ZSWIM4: variants seen among roughly 807,000 people sequenced by gnomAD.
ZSWIM4 encodes the protein zinc finger SWIM domain-containing protein 4.
In ZSWIM4, 62 loss-of-function variants were observed where a neutral mutation model predicts 102.5. That is an observed-to-expected ratio of 0.60 (90% confidence interval 0.49 to 0.75). The LOEUF (loss-of-function observed/expected upper bound fraction) is 0.75, where lower values mean the gene tolerates loss of function less well. Among genes scored for constraint, ZSWIM4 ranks in the 30% least tolerant of loss-of-function variants. ZSWIM4 has a pLI of 0.00. For missense variants in ZSWIM4, 1,280 were observed against 1,529.6 expected, an observed-to-expected ratio of 0.84 and a Z score of 2.72; for synonymous variants, 652 against 674.5, an observed-to-expected ratio of 0.97 and a Z score of 0.52.
rs781034271 is a variant in ZSWIM4, at chr19:13,823,352, C to T, written c.2067C>T (p.Pro689=). 13 of 1,613,498 alleles carry T rather than the reference C, an allele frequency of 8.1e-6. No homozygotes were observed. Among genetic ancestry groups the T allele is most frequent in the Non-Finnish European group, 9.3e-6 (11 of 1,179,710 alleles). ...CACTTCTCCCCTTACCCAGGCTGCCCATACTGGAGACAGCATTTCCTGCTG... is the reference window on the plus strand; with the variant it reads ...CACTTCTCCCCTTACCCAGGCTGCCTATACTGGAGACAGCATTTCCTGCTG... The part of the protein sequence containing the change: ...YRLALRAMRL[P]ILETAFPAGE... The change falls in exon 11 of 14, where the codon CCC becomes CCT. Residue 689 remains proline, a synonymous_variant. Transcript: ENST00000590508.
rs542441103 is a variant in ZSWIM4 at position 13,797,546 on chromosome 19, C to T, written c.153+1745C>T. ...AAGGGTGTTCAATCTTTTAGCTTCC[C>T]TAGGCCACACTGGAAGAAGAACTGT... On this transcript the variant is annotated intron_variant, in intron 1 of 13. Transcript: ENST00000590508. Among the ~76,000 whole-genome samples the T allele has an allele frequency of 2.6e-5, 4 of 152,244 alleles. No individual in the cohort carries two copies. In the South Asian group the frequency reaches 6.2e-4, roughly 24 times the overall value.
In ZSWIM4 at chr19:13,795,787, T is replaced by C. The variant is rs989792607; in HGVS notation, c.139T>C (p.Trp47Arg). ...CAGCGCCAAGCGGGTAGCCGAGAGC[T>C]GGGCCTTCGAGCAGGTGACCGCGGG... is the stretch of plus-strand genomic sequence containing the variant. ...DLSAKRVAES[W>R]AFEQVEERFS... The change falls in exon 1 of 14, where the codon TGG (tryptophan) becomes CGG (arginine). Residue 47 changes from tryptophan (W) to arginine (R), a missense_variant. Trp to Arg is a moderately radical substitution (Grantham distance 101, BLOSUM62 -3). Transcript: ENST00000590508. 2 of 1,251,832 alleles carry C rather than the reference T, an allele frequency of 1.6e-6. No individual in the cohort carries two copies. 77.5% of individuals were successfully genotyped at this position (1,251,832 alleles called of 1,614,324 possible). A position where few individuals can be genotyped will look rare whatever the true frequency, so the allele number is the denominator to read the frequency against.
chr19:13,809,231 A>G lies in ZSWIM4; in HGVS notation c.1012+11A>G. 1.3e-6 allele frequency: 2 copies of G among 1,592,356 alleles called. No individual in the cohort carries two copies. The highest frequency in any genetic ancestry group is 1.7e-6 in the Non-Finnish European group (2 of 1,169,298). On this transcript the variant is annotated intron_variant, in intron 5 of 13. Transcript: ENST00000590508. The surrounding 1 kb of genome is among the most constrained non-coding windows in gnomAD (Gnocchi z 4.2). ...TCTGGGATGAGCTGGGTGAGGCCCA[A>G]ACCCCGGTGCGTGGTGGACACCGGG... is the stretch of plus-strand genomic sequence containing the variant.
intron 10 of ZSWIM4, among the ~76,000 whole-genome samples, chr19:13,821,317 C>A (rs1300490166): frequency 2.0e-5 from 3 of 151,284 alleles, no homozygotes; most frequent in Non-Finnish European, 4.4e-5. Context: ...CAATAGTAAA[C>A]CATGCCCAAA....
chr19:13,813,181 T>C lies in ZSWIM4; in HGVS notation c.1180+17T>C. On this transcript the variant is annotated intron_variant, in intron 6 of 13. Transcript: ENST00000590508. ...CCGCCCCAGGTAGGAGAGAGGGGTC[T>C]TTACCATGCCCCCCAAAAACCATCA... 6.3e-7 allele frequency: 1 copy of C among 1,591,926 alleles called. No homozygotes were observed. The highest frequency in any genetic ancestry group is 8.6e-7 in the Non-Finnish European group (1 of 1,164,946).
chr19:13,832,083 A>C lies in ZSWIM4; in HGVS notation c.*1033A>C, dbSNP rs1975782786. On this transcript the variant is annotated 3_prime_UTR_variant, in exon 14 of 14. Coordinates refer to ENST00000590508, the MANE Select transcript of ZSWIM4 (RefSeq NM_001367834.3). The stretch of plus-strand genomic sequence containing the variant: ...GGACAAAATACCACATCATTTTGTA[A>C]CTTTTTTTCTATTTATTGAACGGTG... The C allele has an allele frequency of 6.8e-6, 1 of 147,604 alleles. No homozygotes were observed. Among genetic ancestry groups the C allele is most frequent in the African/African-American group, 2.5e-5 (1 of 40,026 alleles). The allele number at this position is 147,604 out of a possible 1,614,324, so 9.1% of individuals were successfully genotyped here.
chr19:13,798,677 G>A (rs539541028), intron 1 of ZSWIM4, among the ~76,000 whole-genome samples: 2 of 152,332 alleles, frequency 1.3e-5, no homozygotes, highest in South Asian at 2.1e-4. Context: ...GGTTGGTGCC[G>A]TGGACCTCCC....
At chr19:13,818,344 T>C (rs1975360745) in intron 9 of ZSWIM4, among the ~76,000 whole-genome samples, 2 of 152,166 alleles carry the variant, frequency 1.3e-5, no homozygotes, top group Non-Finnish European at 2.9e-5. Context: ...GGCCAGGCCC[T>C]ATTGACCTGT....
At chr19:13,805,504 G>A (rs188659784) in intron 3 of ZSWIM4, among the ~76,000 whole-genome samples, 54 of 151,940 alleles carry the variant, frequency 3.6e-4, no homozygotes, top group African/African-American at 7.7e-4. Flanking sequence ...AATGTGGGAC[G>A]TTTGTGGGTG....
At chr19:13,802,769 T>C (rs1974808804) in intron 2 of ZSWIM4, among the ~76,000 whole-genome samples, 1 of 151,774 alleles carries the variant, frequency 6.6e-6, no homozygotes, top group African/African-American at 2.4e-5. Context: ...TGTAGAGACC[T>C]GGTCTCACTC....
rs372440237 is a variant in ZSWIM4 at position 13,808,868 on chromosome 19, G to A, written c.745G>A (p.Glu249Lys). ...AGACCCCACCGCCGGCGCAGGAATC[G>A]AGGACGCCAACTGCTGGCACCTGGA... ...APDPTAGAGI[E>K]DANCWHLDEE... The change falls in exon 4 of 14, where the codon GAG becomes AAG. Residue 249 changes from glutamate to lysine, a missense_variant. By Grantham distance (56) the Glu-to-Lys change is moderately conservative. Coordinates refer to ENST00000590508, the MANE Select transcript of ZSWIM4 (RefSeq NM_001367834.3). 3.1e-6 allele frequency: 5 copies of A among 1,611,166 alleles called. No individual in the cohort carries two copies. Among genetic ancestry groups the A allele is most frequent in the East Asian group, 2.2e-5 (1 of 44,794 alleles).
chr19:13,817,322 T>C lies in ZSWIM4; in HGVS notation c.1638T>C (p.Arg546=), dbSNP rs775080904. The part of the protein sequence containing the change: ...CLCRALLEAC[R]LEEETLTLYP... ...GCAGGGCGCTCCTGGAGGCCTGTCG[T>C]CTGGAGGAGGAGACACTTACCCTTT... Residue 546 remains arginine (R), a synonymous_variant, in exon 8 of 14, where the codon CGT becomes CGC. Coordinates refer to ENST00000590508, the MANE Select transcript of ZSWIM4 (RefSeq NM_001367834.3). 1 of 1,613,868 alleles carries C rather than the reference T, an allele frequency of 6.2e-7. No individual in the cohort carries two copies. The highest frequency in any genetic ancestry group is 1.1e-5 in the South Asian group (1 of 91,072).
chr19:13,830,333 C>A lies in ZSWIM4; in HGVS notation c.2604C>A (p.Leu868=). The A allele has an allele frequency of 1.9e-6, 3 of 1,613,460 alleles. No homozygotes were observed. Among genetic ancestry groups the A allele is most frequent in the Non-Finnish European group, 2.5e-6 (3 of 1,180,018 alleles). ...TGGACACATCGCGGAGGGAGGAGCT[C>A]TGGGCCTGCGCCCGCACCCTGGCCT... ...LQLDTSRREE[L]WACARTLALQ... Residue 868 remains leucine (L), a synonymous_variant, in exon 14 of 14, where the codon CTC becomes CTA. Transcript: ENST00000590508.
At chr19:13,817,579 C>T (rs931542587) in intron 8 of ZSWIM4, 143 bp from the exon 9 acceptor site, 14 of 1,162,304 alleles carry the variant, frequency 1.2e-5, no homozygotes, top group Admixed American at 2.9e-5. Context: ...CTCCCGCGCT[C>T]CCCCAACCCC....
Position 13,831,094 on chromosome 19 carries a change from C to T in ZSWIM4, c.*44C>T, listed in dbSNP as rs374641062. 75 of 1,514,298 alleles carry T rather than the reference C, an allele frequency of 5.0e-5. No individual in the cohort carries two copies. The highest frequency in any genetic ancestry group is 1.8e-4 in the Middle Eastern group (1 of 5,680). 93.8% of individuals were successfully genotyped at this position (1,514,298 alleles called of 1,614,324 possible). Reference sequence around the variant, plus strand: ...GGAGTGGGGATCCCCCTCGCCCCTGCGTCCCCCACCCTTGCTCTCCAATTA... The same window carrying T: ...GGAGTGGGGATCCCCCTCGCCCCTGTGTCCCCCACCCTTGCTCTCCAATTA... On this transcript the variant is annotated 3_prime_UTR_variant, in exon 14 of 14. Coordinates refer to ENST00000590508, the MANE Select transcript of ZSWIM4 (RefSeq NM_001367834.3).
At position 13,817,783 on chromosome 19, in the gene ZSWIM4, G is replaced by T; in HGVS notation, c.1731G>T (p.Gly577=). 1 of 1,599,496 alleles carries T rather than the reference G, an allele frequency of 6.3e-7. No individual in the cohort carries two copies. The highest frequency in any genetic ancestry group is 8.5e-7 in the Non-Finnish European group (1 of 1,174,426). Residue 577 remains glycine (G), a synonymous_variant, in exon 9 of 14, where the codon GGG becomes GGT. Transcript: ENST00000590508. Reference sequence around the variant, plus strand: ...ACGTGCCTGTGCCCGGGAGCCCTGGGGAGTCCTACTTGGTGCTGGCGCTGG... The same window carrying T: ...ACGTGCCTGTGCCCGGGAGCCCTGGTGAGTCCTACTTGGTGCTGGCGCTGG... The part of the protein sequence containing the change: ...YQHVPVPGSP[G]ESYLVLALEV...
chr19:13,797,938 T>A (rs1360163835), intron 1 of ZSWIM4, among the ~76,000 whole-genome samples: 1 of 152,206 alleles, frequency 6.6e-6, no homozygotes, highest in African/African-American at 2.4e-5. Flanking sequence ...ATTACAGGCA[T>A]GAGCCACCGC....
At position 13,795,568 on chromosome 19, in the gene ZSWIM4, C is replaced by T. The variant is rs1352936015; in HGVS notation, c.-81C>T. 6 of 229,582 alleles carry T rather than the reference C, an allele frequency of 2.6e-5. No individual in the cohort carries two copies. Among genetic ancestry groups the T allele is most frequent in the Non-Finnish European group, 4.1e-5 (5 of 121,234 alleles). 14.2% of individuals were successfully genotyped at this position (229,582 alleles called of 1,614,324 possible). A position where few individuals can be genotyped will look rare whatever the true frequency, so the allele number is the denominator to read the frequency against. The stretch of plus-strand genomic sequence containing the variant: ...CGGACGGGAAGGAGGGCAGGGGGCG[C>T]GGGAGCCGGCGAAGCGGAGCGGGCA... On this transcript the variant is annotated 5_prime_UTR_variant, in exon 1 of 14. Coordinates refer to ENST00000590508, the MANE Select transcript of ZSWIM4 (RefSeq NM_001367834.3).
intron 3 of ZSWIM4, among the ~76,000 whole-genome samples, chr19:13,807,327 T>C (rs58272424): frequency 0.31 from 47,001 of 150,276 alleles, 7,993 homozygotes; most frequent in African/African-American, 0.47. Flanking sequence ...AAATGGGGGA[T>C]ATGGCCAGGT....
Sources: gnomAD v4.1 joint callset for allele counts (sites outside exome capture counted in the v4.1 genomes callset) on GRCh38, gnomAD v4.1.1 for gene constraint, Gnocchi (gnomAD v3.1) non-coding constraint, MANE v1.5 for transcripts, NCBI Gene and HGNC (gene_info 2026-07-23, HGNC 2026-07-21) for gene names.